LARGE1: variants seen among roughly 807,000 people sequenced by gnomAD.
LARGE1 encodes the protein LARGE xylosyl- and glucuronyltransferase 1.
A neutral mutation model predicts 87.6 loss-of-function variants in LARGE1; 43 were observed. The observed-to-expected ratio is 0.49, with a 90% CI of 0.38 to 0.63. LARGE1 has a LOEUF of 0.63. LARGE1 is among the 30% of genes least tolerant of loss of function. The probability of loss-of-function intolerance (pLI) is 0.00; values close to 1 mark genes in which losing one functional copy is unlikely to be tolerated. For synonymous variants in LARGE1, 434 were observed against 394.6 expected (o/e 1.10, Z -1.18); for missense variants, 802 against 1,000.2 (o/e 0.80, Z 2.67).
intron 4 of LARGE1, among the ~76,000 whole-genome samples, chr22:33,611,117 C>T (rs2079415768): frequency 6.6e-6 from 1 of 152,226 alleles, no homozygotes; most frequent in African/African-American, 2.4e-5. Context: ...TCTATTAGGG[C>T]AGTGCTTAGG....
intron 1 of LARGE1, among the ~76,000 whole-genome samples, chr22:33,902,899 A>G (rs930159464): frequency 6.6e-6 from 1 of 152,202 alleles, no homozygotes; most frequent in Non-Finnish European, 1.5e-5. Flanking sequence ...TGGAAGGCCA[A>G]GGCTGGTGGA....
intron 1 of LARGE1, among the ~76,000 whole-genome samples, chr22:33,763,233 G>A (rs1569433547): frequency 6.6e-6 from 1 of 152,190 alleles, no homozygotes; most frequent in Non-Finnish European, 1.5e-5. Context: ...ACCCTCTCAA[G>A]CTTCAGGAGT....
chr22:33,789,484 G>C (rs953023474), intron 1 of LARGE1, among the ~76,000 whole-genome samples: 6 of 152,216 alleles, frequency 3.9e-5, no homozygotes, highest in African/African-American at 1.4e-4. Flanking sequence ...TAGTGGAGCT[G>C]TGAGAAGAGG....
chr22:33,205,711 G>A (rs1664633818), intron 11 of LARGE1, among the ~76,000 whole-genome samples: 1 of 152,130 alleles, frequency 6.6e-6, no homozygotes, highest in African/African-American at 2.4e-5. Context: ...TGACACATGT[G>A]GAGAGTCATT....
intron 1 of LARGE1, among the ~76,000 whole-genome samples, chr22:33,872,063 G>A (rs1214048156): frequency 6.6e-6 from 1 of 151,562 alleles, no homozygotes; most frequent in African/African-American, 2.4e-5. Context: ...GAGTGATGGA[G>A]GGGGTTCCTT....
At chr22:33,458,255 C>T (rs1301659066) in intron 6 of LARGE1, among the ~76,000 whole-genome samples, 8 of 151,512 alleles carry the variant, frequency 5.3e-5, no homozygotes, top group African/African-American at 1.9e-4. Context: ...ACAGGTGCTG[C>T]CACCACGCTC....
intron 2 of LARGE1, among the ~76,000 whole-genome samples, chr22:33,719,686 A>G (rs781566829): frequency 3.3e-5 from 5 of 151,774 alleles, no homozygotes; most frequent in Non-Finnish European, 5.9e-5. Context: ...ACGCCTGGCT[A>G]ATTTTTTATA....
chr22:33,520,220 G>A (rs1019300020), intron 6 of LARGE1, among the ~76,000 whole-genome samples: 1 of 151,880 alleles, frequency 6.6e-6, no homozygotes, highest in Non-Finnish European at 1.5e-5. Context: ...GACTACAGAC[G>A]TGTGCCACCA....
chr22:33,626,105 G>A (rs868300238), intron 4 of LARGE1, 139 bp downstream of exon 4: 12 of 729,942 alleles, frequency 1.6e-5, no homozygotes, highest in Middle Eastern at 2.3e-4. Context: ...ATCTCCTCAG[G>A]GTTTCAGACA....
chr22:33,596,552 T>C (rs1005006148), intron 5 of LARGE1, among the ~76,000 whole-genome samples: 1 of 152,180 alleles, frequency 6.6e-6, no homozygotes, highest in Non-Finnish European at 1.5e-5. Context: ...TCTGTCACCC[T>C]GCCGAATAAC....
At chr22:33,798,317 A>AATC (rs2086052281) in intron 1 of LARGE1, among the ~76,000 whole-genome samples, 1 of 151,836 alleles carries the variant, frequency 6.6e-6, no homozygotes, top group Non-Finnish European at 1.5e-5. Context: ...TCAATCAATC[A>AATC]AATGAAGTAC....
At chr22:33,518,694 T>C (rs1402966437) in intron 6 of LARGE1, among the ~76,000 whole-genome samples, 3 of 152,074 alleles carry the variant, frequency 2.0e-5, no homozygotes, top group Non-Finnish European at 2.9e-5. Context: ...TGTCCAATAT[T>C]CTTGTTCTCC....
At chr22:33,382,142 C>A in intron 8 of LARGE1, 98 bp from the exon 9 acceptor site, 1 of 1,490,542 alleles carries the variant, frequency 6.7e-7, no homozygotes, top group African/African-American at 1.4e-5. Flanking sequence ...TAGGGCTTCT[C>A]TTGAACCTCC....
At chr22:33,178,115 A>G (rs1475068078) in intron 11 of LARGE1, among the ~76,000 whole-genome samples, 1 of 152,186 alleles carries the variant, frequency 6.6e-6, no homozygotes, top group Admixed American at 6.5e-5. Flanking sequence ...TCTTTATAGC[A>G]ATGTAAAAAC....
intron 3 of LARGE1, among the ~76,000 whole-genome samples, chr22:33,641,142 G>A (rs554917371): frequency 6.6e-6 from 1 of 152,268 alleles, no homozygotes; most frequent in South Asian, 2.1e-4. Flanking sequence ...TCAAACAGGA[G>A]AGCTCCGGCT....
intron 10 of LARGE1, among the ~76,000 whole-genome samples, chr22:33,326,564 G>C (rs1388241456): frequency 6.6e-6 from 1 of 152,150 alleles, no homozygotes; most frequent in South Asian, 2.1e-4. Context: ...AGAAAACTGA[G>C]GTGCAGGGAG....
chr22:33,822,499 G>A (rs1159044187), intron 1 of LARGE1, among the ~76,000 whole-genome samples: 1 of 152,110 alleles, frequency 6.6e-6, no homozygotes, highest in African/African-American at 2.4e-5. Context: ...AGGAGTTCGA[G>A]ACCAGCCTGG....
intron 5 of LARGE1, among the ~76,000 whole-genome samples, chr22:33,574,686 TTGTGTGTGTGTG>T (rs3986017): frequency 0.28 from 40,573 of 143,810 alleles, 6,399 homozygotes; most frequent in East Asian, 0.43. Context: ...ATATAAACAA[TTGTGTGTGTGTG>T]TGTGTGTGTG....
At chr22:33,294,025 T>A (rs550653535) in intron 12 of LARGE1, among the ~76,000 whole-genome samples, 1 of 152,360 alleles carries the variant, frequency 6.6e-6, no homozygotes, top group South Asian at 2.1e-4. Context: ...TCTGAAGGCA[T>A]CTTTCTACTC....
Sources: allele counts gnomAD v4.1 joint callset (sites outside exome capture counted in the v4.1 genomes callset), GRCh38; gene constraint gnomAD v4.1.1; transcripts MANE v1.5; gene names NCBI Gene and HGNC (gene_info 2026-07-23, HGNC 2026-07-21).